Variants in NUTF2 observed in about 807,000 individuals in gnomAD.
NUTF2 encodes placental protein 15.
Under a neutral mutation model 18.5 loss-of-function variants are expected in NUTF2, and 3 were observed. That is an observed-to-expected ratio of 0.16 (90% confidence interval 0.07 to 0.42). The LOEUF is 0.42. NUTF2 is among the 10% of genes least tolerant of loss of function. The pLI, the probability that NUTF2 is intolerant of heterozygous loss-of-function variation, is 0.99. For missense variants in NUTF2, 44 were observed against 160.7 expected, an observed-to-expected ratio of 0.27 and a Z score of 3.93; for synonymous variants, 51 against 57.9, an observed-to-expected ratio of 0.88 and a Z score of 0.54.
intron 1 of NUTF2, among the ~76,000 whole-genome samples, chr16:67,851,250 A>G (rs1403198899): frequency 6.6e-6 from 1 of 151,956 alleles, no homozygotes; most frequent in Non-Finnish European, 1.5e-5. Flanking sequence ...TGGGAGGGCG[A>G]GGTGGGCGGA....
chr16:67,864,581 C>T (rs1031380495), intron 1 of NUTF2, among the ~76,000 whole-genome samples: 1 of 151,090 alleles, frequency 6.6e-6, no homozygotes, highest in Non-Finnish European at 1.5e-5. Flanking sequence ...GGTCTTCCAT[C>T]TGTCAGCGTA....
At chr16:67,855,805 T>C in intron 1 of NUTF2, 1 of 338,760 alleles carries the variant, frequency 3.0e-6, no homozygotes, top group Non-Finnish European at 5.6e-6. Flanking sequence ...GTTCTTCCAT[T>C]CTGAGGCTCC....
chr16:67,851,703 G>T (rs2057859311), intron 1 of NUTF2, among the ~76,000 whole-genome samples: 1 of 151,608 alleles, frequency 6.6e-6, no homozygotes, highest in South Asian at 2.1e-4. Context: ...TTTCCACCCT[G>T]GAGACACAGA....
At chr16:67,858,237 G>A (rs150378217) in intron 1 of NUTF2, among the ~76,000 whole-genome samples, 4,457 of 152,154 alleles carry the variant, frequency 0.029, 97 homozygotes, top group Middle Eastern at 0.16. Context: ...GCATGATCTC[G>A]GCTCACTACA....
At chr16:67,847,858 G>A (rs1315490304) in intron 1 of NUTF2, 2 of 152,298 alleles carry the variant, frequency 1.3e-5, no homozygotes, top group African/African-American at 4.8e-5. Context: ...TAGAATTCAG[G>A]CCTGAGGTTC....
At chr16:67,867,720 T>C (rs946898313) in intron 2 of NUTF2, among the ~76,000 whole-genome samples, 4 of 152,190 alleles carry the variant, frequency 2.6e-5, no homozygotes, top group Admixed American at 2.6e-4. Flanking sequence ...GGAGTCTTGC[T>C]CTGTCACCCA....
In NUTF2 at chr16:67,855,335, C is replaced by G. The variant is rs531342089; in HGVS notation, c.-30+8350C>G. Among the ~76,000 whole-genome samples, 31 of 152,304 alleles carry G rather than the reference C, an allele frequency of 2.0e-4. 1 individual carries two copies. The highest frequency in any genetic ancestry group is 7.0e-4 in the African/African-American group (29 of 41,560). On this transcript the variant is annotated intron_variant, in intron 1 of 4. Transcript: ENST00000219169. The stretch of plus-strand genomic sequence containing the variant: ...TGTCTTAGTGGCCAAGGGAGAGGGA[C>G]ACGAGGCCCAGGGTGGCCTGCCTAG...
chr16:67,871,021 G>C lies in NUTF2; in HGVS notation c.*108G>C. ...ATCATGCACAAATGAGCAGGGCCGCGGTGGGAGTGGGCGCAGTGCGCTGCT... is the reference window on the plus strand; with the variant it reads ...ATCATGCACAAATGAGCAGGGCCGCCGTGGGAGTGGGCGCAGTGCGCTGCT... On this transcript the variant is annotated 3_prime_UTR_variant, in exon 5 of 5. Transcript: ENST00000219169. 1.3e-6 allele frequency: 1 copy of C among 799,198 alleles called. No homozygotes were observed. Among genetic ancestry groups the C allele is most frequent in the Non-Finnish European group, 2.1e-6 (1 of 477,102 alleles). The allele number at this position is 799,198 out of a possible 1,614,324, so 49.5% of individuals were successfully genotyped here.
Position 67,871,298 on chromosome 16 carries a change from C to T in NUTF2, c.*385C>T, listed in dbSNP as rs1435560979. 2 of 163,092 alleles carry T rather than the reference C, an allele frequency of 1.2e-5. No homozygotes were observed. The highest frequency in any genetic ancestry group is 2.4e-5 in the African/African-American group (1 of 41,662). The allele number at this position is 163,092 out of a possible 1,614,324, so 10.1% of individuals were successfully genotyped here. ...TCAATGCCTCATGATACAATAAAAC[C>T]ACAAAAATTTTCTTAACAGTTTAAA... On this transcript the variant is annotated 3_prime_UTR_variant, in exon 5 of 5. Transcript: ENST00000219169.
chr16:67,853,334 G>A (rs2057873702), intron 1 of NUTF2, among the ~76,000 whole-genome samples: 1 of 152,136 alleles, frequency 6.6e-6, no homozygotes, highest in Non-Finnish European at 1.5e-5. Context: ...TGGGACTACA[G>A]GTGCGCACCA....
chr16:67,851,490 G>A (rs1216412011), intron 1 of NUTF2, among the ~76,000 whole-genome samples: 3 of 151,578 alleles, frequency 2.0e-5, no homozygotes, highest in Non-Finnish European at 1.5e-5. Flanking sequence ...AAAAAACAAG[G>A]GAGACCAGAA....
intron 1 of NUTF2, among the ~76,000 whole-genome samples, chr16:67,863,599 G>A (rs1405736954): frequency 6.6e-6 from 1 of 152,184 alleles, no homozygotes; most frequent in Non-Finnish European, 1.5e-5. Flanking sequence ...CTGTCAGGTT[G>A]CCATCCCCAT....
chr16:67,868,320 G>GT lies in NUTF2; in HGVS notation c.100-17dup, dbSNP rs2057988415. The GT allele has an allele frequency of 6.2e-7, 1 of 1,612,128 alleles. No individual in the cohort carries two copies. Among genetic ancestry groups the GT allele is most frequent in the Non-Finnish European group, 8.5e-7 (1 of 1,178,424 alleles). On this transcript the variant is annotated intron_variant, in intron 2 of 4. Coordinates refer to ENST00000219169, the MANE Select transcript of NUTF2 (RefSeq NM_005796.3). Reference sequence around the variant, plus strand: ...TGTACTCTGAGGCCCCAACCCTGGGGTTTCCTGTGCCTTTTTCAGATTGAC... The same window carrying GT: ...TGTACTCTGAGGCCCCAACCCTGGGGTTTTCCTGTGCCTTTTTCAGATTGAC...
At chr16:67,862,415 A>G (rs1218924235) in intron 1 of NUTF2, among the ~76,000 whole-genome samples, 4 of 152,262 alleles carry the variant, frequency 2.6e-5, no homozygotes, top group Non-Finnish European at 5.9e-5. Flanking sequence ...GATGTGTCCT[A>G]TTCCTCAGAG....
At chr16:67,868,702 G>C in intron 4 of NUTF2, 103 bp downstream of exon 4, 3 of 1,070,344 alleles carry the variant, frequency 2.8e-6, no homozygotes, top group Non-Finnish European at 4.2e-6. Flanking sequence ...GGGACACCCA[G>C]ACAAAGTGAC....
At chr16:67,849,435 G>A (rs1010944543) in intron 1 of NUTF2, among the ~76,000 whole-genome samples, 6 of 151,890 alleles carry the variant, frequency 4.0e-5, no homozygotes, top group African/African-American at 1.5e-4. Flanking sequence ...TCCGCCTCCT[G>A]GGTTCAAACG....
intron 1 of NUTF2, chr16:67,856,058 AT>A (rs1279012913): frequency 7.1e-6 from 5 of 703,550 alleles, no homozygotes; most frequent in African/African-American, 7.0e-5. Flanking sequence ...CACTGTTACG[AT>A]GTGGCCAATC....
At chr16:67,867,373 T>G (rs542913927) in intron 2 of NUTF2, among the ~76,000 whole-genome samples, 3 of 152,320 alleles carry the variant, frequency 2.0e-5, no homozygotes, top group African/African-American at 7.2e-5. Flanking sequence ...ACATTACCCC[T>G]TTGAAGGTTA....
At chr16:67,865,864 G>A (rs934673919) in intron 2 of NUTF2, among the ~76,000 whole-genome samples, 6 of 151,902 alleles carry the variant, frequency 3.9e-5, no homozygotes, top group East Asian at 3.9e-4. Flanking sequence ...GATTACAGGC[G>A]CCTGCCCCCA....
Sources: gnomAD v4.1 joint callset for allele counts (sites outside exome capture counted in the v4.1 genomes callset) on GRCh38, gnomAD v4.1.1 for gene constraint, MANE v1.5 for transcripts, NCBI Gene and HGNC (gene_info 2026-07-23, HGNC 2026-07-21) for gene names.